IL1RAPL1: variants seen among roughly 807,000 people sequenced by gnomAD.
The protein encoded by IL1RAPL1 is interleukin 1 receptor accessory protein like 1.
In IL1RAPL1, 3 loss-of-function variants were observed where a neutral mutation model predicts 48.4. The ratio of observed to expected loss-of-function variants is 0.06; its 90% CI spans 0.03 to 0.16. The LOEUF is 0.16. IL1RAPL1 is among the 10% of genes least tolerant of loss of function. The pLI is 1.00. For missense variants in IL1RAPL1, 349 were observed against 530.6 expected (o/e 0.66, Z 3.36); for synonymous variants, 185 against 187.7 (o/e 0.99, Z 0.12).
chrX:29,056,319 G>T (rs988803149), intron 2 of IL1RAPL1, among the ~76,000 whole-genome samples: 1 of 111,288 alleles, frequency 9.0e-6, no homozygotes, highest in African/African-American at 3.3e-5. Flanking sequence ...TCACAAAGTG[G>T]TAGGAAAGGA....
chrX:28,702,867 CTG>C (rs1205640369), intron 1 of IL1RAPL1, among the ~76,000 whole-genome samples: 13 of 109,234 alleles, frequency 1.2e-4, no homozygotes, highest in African/African-American at 3.7e-4. Context: ...GAAATGAAGA[CTG>C]TAGCTTCAAA....
chrX:29,247,504 G>T (rs1047630675), intron 2 of IL1RAPL1, among the ~76,000 whole-genome samples: 5 of 111,630 alleles, frequency 4.5e-5, no homozygotes, highest in African/African-American at 1.6e-4. Context: ...AAACAGAATT[G>T]GCCAGGTGCG....
At chrX:28,961,009 CA>C (rs397947609) in intron 2 of IL1RAPL1, among the ~76,000 whole-genome samples, 127 of 17,441 alleles carry the variant, frequency 7.3e-3, no homozygotes, top group African/African-American at 0.023. Context: ...GACTCCGTCT[CA>C]AAAAAAAAAA....
intron 6 of IL1RAPL1, among the ~76,000 whole-genome samples, chrX:29,899,221 T>C (rs1240466916): frequency 2.7e-5 from 3 of 110,688 alleles, no homozygotes; most frequent in Non-Finnish European, 5.7e-5. Flanking sequence ...GAAAGTCAGA[T>C]TGGGAACTCC....
At chrX:29,878,086 T>C (rs149975080) in intron 6 of IL1RAPL1, among the ~76,000 whole-genome samples, 3,284 of 112,029 alleles carry the variant, frequency 0.029, 130 homozygotes, top group African/African-American at 0.1. Context: ...TAATCATTGG[T>C]CAAGTTTGAT....
chrX:29,587,767 G>A (rs1363397873), intron 5 of IL1RAPL1, among the ~76,000 whole-genome samples: 3 of 112,266 alleles, frequency 2.7e-5, no homozygotes, highest in Non-Finnish European at 5.6e-5. Flanking sequence ...TATGCCAGAT[G>A]TTCCAAATGG....
At chrX:29,260,358 C>T (rs767939620) in intron 2 of IL1RAPL1, among the ~76,000 whole-genome samples, 1 of 112,176 alleles carries the variant, frequency 8.9e-6, no homozygotes, top group East Asian at 2.8e-4. Flanking sequence ...TTAACGGACT[C>T]GCAGTTCCAC....
At chrX:29,806,996 G>A (rs181548408) in intron 6 of IL1RAPL1, among the ~76,000 whole-genome samples, 9 of 110,318 alleles carry the variant, frequency 8.2e-5, no homozygotes, top group Non-Finnish European at 1.5e-4. Flanking sequence ...GTTTCCTGAG[G>A]CCTCCCCAGA....
rs764835672 is a variant in IL1RAPL1, at chrX:29,705,816, T to C, written c.778+37312T>C. On this transcript the variant is annotated intron_variant, in intron 6 of 10. Transcript: ENST00000378993. ...CGTTTTTAACATTAGGTCCTCCCCT[T>C]GTAATATGGAGATGAAATAAGAATT... is the stretch of plus-strand genomic sequence containing the variant. 2.7e-5 allele frequency among the ~76,000 whole-genome samples: 3 copies of C among 112,381 alleles called. No individual in the cohort carries two copies. The East Asian group carries it at 8.4e-4, about 31-fold the overall frequency.
At chrX:29,803,010 CAT>C (rs201315872) in intron 6 of IL1RAPL1, among the ~76,000 whole-genome samples, 5 of 63,258 alleles carry the variant, frequency 7.9e-5, no homozygotes, top group South Asian at 6.8e-4. Flanking sequence ...TGCATATATA[CAT>C]ATGTGTACAT....
At chrX:29,677,617 T>G (rs1313446941) in intron 6 of IL1RAPL1, among the ~76,000 whole-genome samples, 2 of 111,948 alleles carry the variant, frequency 1.8e-5, no homozygotes, top group Admixed American at 1.9e-4. Context: ...TTCATCGATA[T>G]GAAACTGCAA....
intron 2 of IL1RAPL1, among the ~76,000 whole-genome samples, chrX:28,965,957 TACTC>T (rs60283667): frequency 0.34 from 37,043 of 109,628 alleles, 4,640 homozygotes; most frequent in Admixed American, 0.43. Context: ...TACTAAAAAA[TACTC>T]ACGAAGCCCT....
At chrX:29,208,718 AAT>A (rs1217817402) in intron 2 of IL1RAPL1, among the ~76,000 whole-genome samples, 1 of 86,996 alleles carries the variant, frequency 1.1e-5, no homozygotes, top group African/African-American at 6.3e-5. Context: ...AAATAATAAT[AAT>A]AATAATAATA....
chrX:29,913,081 T>C (rs1376403701), intron 6 of IL1RAPL1, among the ~76,000 whole-genome samples: 1 of 111,114 alleles, frequency 9.0e-6, no homozygotes, highest in African/African-American at 3.3e-5. Context: ...CAATAAATAG[T>C]ACCTGGTGAA....
At chrX:29,432,218 G>C (rs919288856) in intron 5 of IL1RAPL1, among the ~76,000 whole-genome samples, 2 of 111,243 alleles carry the variant, frequency 1.8e-5, no homozygotes, top group African/African-American at 6.5e-5. Context: ...CCTTTGCTTA[G>C]AGCATTCACT....
intron 5 of IL1RAPL1, among the ~76,000 whole-genome samples, chrX:29,449,780 C>CACACACACACACACACACAGAGAG (rs557765024): frequency 1.7e-5 from 1 of 58,247 alleles, no homozygotes; most frequent in Admixed American, 1.8e-4. Context: ...CACACACACA[C>CACACACACACACACACACAGAGAG]AGAGAGAGAG....
At chrX:29,264,197 T>C (rs184586384) in intron 2 of IL1RAPL1, among the ~76,000 whole-genome samples, 94 of 111,829 alleles carry the variant, frequency 8.4e-4, no homozygotes, top group African/African-American at 2.8e-3. Context: ...TCAGCACAAA[T>C]TGGCCCCAAA....
At chrX:29,397,832 T>C (rs1425458368) in intron 4 of IL1RAPL1, among the ~76,000 whole-genome samples, 1 of 111,925 alleles carries the variant, frequency 8.9e-6, no homozygotes, top group East Asian at 2.8e-4. Context: ...CTAATAAGTT[T>C]ATTTTAAGAG....
intron 2 of IL1RAPL1, among the ~76,000 whole-genome samples, chrX:28,821,562 A>T (rs941958724): frequency 1.8e-5 from 2 of 111,678 alleles, no homozygotes; most frequent in African/African-American, 6.5e-5. Flanking sequence ...GTACATTGTG[A>T]TGTGGGTTAT....
Sources: allele counts gnomAD v4.1 joint callset (sites outside exome capture counted in the v4.1 genomes callset), GRCh38; gene constraint gnomAD v4.1.1; transcripts MANE v1.5; gene names NCBI Gene and HGNC (gene_info 2026-07-23, HGNC 2026-07-21).